The following DCC variants were observed in gnomAD, a reference collection of about 807,000 sequenced individuals.
DCC encodes DCC netrin 1 receptor.
A neutral mutation model predicts 172.5 loss-of-function variants in DCC; 58 were observed. The observed-to-expected ratio is 0.34, with a 90% CI of 0.27 to 0.42. The LOEUF is 0.42. Among genes scored for constraint, DCC ranks in the 10% least tolerant of loss-of-function variants. DCC has a pLI of 1.00. For missense variants in DCC, 1,740 were observed against 1,791.0 expected, an observed-to-expected ratio of 0.97 and a Z score of 0.51; for synonymous variants, 709 against 644.5, an observed-to-expected ratio of 1.10 and a Z score of -1.52.
intron 9 of DCC, among the ~76,000 whole-genome samples, chr18:53,184,845 T>C (rs564481255): frequency 1.3e-5 from 2 of 152,278 alleles, no homozygotes; most frequent in Non-Finnish European, 2.9e-5. Flanking sequence ...CAGTTATATT[T>C]ATTAAAGTAT....
rs1053807288 is a variant in DCC, at chr18:52,395,902, T to C, written c.91+55024T>C. Among the ~76,000 whole-genome samples, 7 of 152,132 alleles carry C rather than the reference T, an allele frequency of 4.6e-5. No individual in the cohort carries two copies. In the East Asian group the frequency reaches 1.4e-3, roughly 30 times the overall value. ...ACCTATTCCACAACCCAGAGCTCTC[T>C]GGCCTCTCACAGAATAGGTAAGATT... On this transcript the variant is annotated intron_variant, in intron 1 of 28. Coordinates refer to ENST00000442544, the MANE Select transcript of DCC (RefSeq NM_005215.4).
intron 13 of DCC, among the ~76,000 whole-genome samples, chr18:53,310,440 T>C (rs1402648814): frequency 6.6e-6 from 1 of 151,700 alleles, no homozygotes; most frequent in Non-Finnish European, 1.5e-5. Context: ...AATTTTTTTT[T>C]ACAATCTTCT....
intron 25 of DCC, among the ~76,000 whole-genome samples, chr18:53,468,380 T>TTTAA (rs1555675979): frequency 3.0e-5 from 4 of 135,152 alleles, no homozygotes; most frequent in East Asian, 2.0e-4. Context: ...TATTTATTTA[T>TTTAA]TTTATTTATT....
intron 3 of DCC, among the ~76,000 whole-genome samples, chr18:52,919,857 G>T (rs537612910): frequency 1.3e-5 from 2 of 152,010 alleles, no homozygotes; most frequent in African/African-American, 4.8e-5. Flanking sequence ...CAACAGTCAA[G>T]ATAGTGTGGT....
At chr18:53,415,888 AAAGT>A (rs1207965396) in intron 20 of DCC, among the ~76,000 whole-genome samples, 2 of 152,242 alleles carry the variant, frequency 1.3e-5, no homozygotes, top group East Asian at 3.9e-4. Flanking sequence ...AGGGATATGA[AAAGT>A]AAGATAATTT....
chr18:52,904,806 T>C lies in DCC; in HGVS notation c.413-1238T>C, dbSNP rs2039857030. 1.3e-5 allele frequency among the ~76,000 whole-genome samples: 2 copies of C among 152,174 alleles called. 1 individual carries two copies. The highest frequency in any genetic ancestry group is 2.9e-5 in the Non-Finnish European group (2 of 68,026). On this transcript the variant is annotated intron_variant, in intron 2 of 28. Coordinates refer to ENST00000442544, the MANE Select transcript of DCC (RefSeq NM_005215.4). ...GCATAAAATTAAAACAATTCTGGAATGAGTCAAATGAAAATAGAAATATCA... is the reference window on the plus strand; with the variant it reads ...GCATAAAATTAAAACAATTCTGGAACGAGTCAAATGAAAATAGAAATATCA...
intron 1 of DCC, among the ~76,000 whole-genome samples, chr18:52,528,232 T>C (rs1291420894): frequency 6.6e-6 from 1 of 152,186 alleles, no homozygotes; most frequent in Non-Finnish European, 1.5e-5. Context: ...AGCTTTTCAA[T>C]AAATACTTGT....
At chr18:52,355,448 C>G (rs80298645) in intron 1 of DCC, among the ~76,000 whole-genome samples, 5,103 of 152,244 alleles carry the variant, frequency 0.034, 287 homozygotes, top group African/African-American at 0.11. Flanking sequence ...GTGACCCTCA[C>G]TATGATTCAG....
At chr18:52,615,815 G>A (rs1367287623) in intron 1 of DCC, among the ~76,000 whole-genome samples, 1 of 152,108 alleles carries the variant, frequency 6.6e-6, no homozygotes, top group Non-Finnish European at 1.5e-5. Context: ...AGTGGGAGTA[G>A]GGTAGGGAGA....
intron 27 of DCC, among the ~76,000 whole-genome samples, chr18:53,518,033 G>A (rs183553845): frequency 1.3e-5 from 2 of 152,186 alleles, no homozygotes; most frequent in East Asian, 3.9e-4. Context: ...TTGCCTATCA[G>A]AAGTGTAAAT....
At position 53,459,415 on chromosome 18, in the gene DCC, C is replaced by A. The variant is rs747189136; in HGVS notation, c.3576C>A (p.Ser1192Arg). The A allele has an allele frequency of 1.2e-6, 2 of 1,613,720 alleles. No individual in the cohort carries two copies. The highest frequency in any genetic ancestry group is 1.7e-6 in the Non-Finnish European group (2 of 1,179,844). Residue 1192 changes from serine to arginine, a missense_variant, in exon 24 of 29, where the codon AGC (serine) becomes AGA (arginine). By Grantham distance (110) the Ser-to-Arg change is moderately radical. This residue lies in a region of DCC where 1,732 missense variants were observed against 1,767.4 expected (regional missense o/e 0.98). Coordinates refer to ENST00000442544, the MANE Select transcript of DCC (RefSeq NM_005215.4). ...AAGACCTCACACCAGTCAGCCACAGCCAGTCAGAAACCCAACTGGGAAGCA... is the reference window on the plus strand; with the variant it reads ...AAGACCTCACACCAGTCAGCCACAGACAGTCAGAAACCCAACTGGGAAGCA... Reference protein sequence around the residue: ...SCQDLTPVSHSQSETQLGSKS... With the variant: ...SCQDLTPVSHRQSETQLGSKS...
chr18:52,800,766 A>G (rs1028199847), intron 2 of DCC, among the ~76,000 whole-genome samples: 1 of 152,182 alleles, frequency 6.6e-6, no homozygotes, highest in African/African-American at 2.4e-5. Context: ...TAAAAGCAAG[A>G]GAAGTTTTCT....
At chr18:53,053,499 A>C (rs116111652) in intron 5 of DCC, among the ~76,000 whole-genome samples, 2 of 152,132 alleles carry the variant, frequency 1.3e-5, no homozygotes, top group African/African-American at 4.8e-5. Context: ...ATGTGTTATA[A>C]TCTACCATTC....
chr18:52,615,752 C>T (rs1054731506), intron 1 of DCC, among the ~76,000 whole-genome samples: 43 of 152,058 alleles, frequency 2.8e-4, no homozygotes, highest in Middle Eastern at 3.4e-3. Flanking sequence ...GAATAAGACC[C>T]CTCCTAGGAG....
intron 23 of DCC, among the ~76,000 whole-genome samples, chr18:53,454,356 A>G (rs2045457216): frequency 1.3e-5 from 2 of 152,356 alleles, no homozygotes; most frequent in Admixed American, 1.3e-4. Flanking sequence ...AAGAGAAAAA[A>G]AGAAACAAAA....
At chr18:53,229,127 A>G (rs1314862995) in intron 12 of DCC, among the ~76,000 whole-genome samples, 1 of 152,174 alleles carries the variant, frequency 6.6e-6, no homozygotes, top group African/African-American at 2.4e-5. Flanking sequence ...GATGATCTAC[A>G]GATCCCACTA....
intron 5 of DCC, among the ~76,000 whole-genome samples, chr18:53,014,215 G>C: frequency 6.6e-6 from 1 of 152,062 alleles, no homozygotes; most frequent in East Asian, 1.9e-4. Flanking sequence ...TTGCTTATTG[G>C]CAGGTAAGCT....
intron 12 of DCC, among the ~76,000 whole-genome samples, chr18:53,242,892 G>GTT (rs1003020663): frequency 6.7e-6 from 1 of 148,216 alleles, no homozygotes; most frequent in Admixed American, 6.6e-5. Context: ...GTGTGTGTGT[G>GTT]TGTGTGTGTG....
intron 26 of DCC, among the ~76,000 whole-genome samples, chr18:53,493,036 C>T (rs4371228): frequency 0.061 from 9,230 of 152,194 alleles, 935 homozygotes; most frequent in African/African-American, 0.21. Context: ...ATGTCCTTCA[C>T]ATTCCTTGTA....
Sources: allele counts gnomAD v4.1 joint callset (sites outside exome capture counted in the v4.1 genomes callset), GRCh38; gene constraint gnomAD v4.1.1; regional missense constraint gnomAD v4.1.1; transcripts MANE v1.5; gene names NCBI Gene and HGNC (gene_info 2026-07-23, HGNC 2026-07-21).